Variants in LHPP observed in about 807,000 individuals in gnomAD.
The protein encoded by LHPP is hLHPP.
Under a neutral mutation model 30.3 loss-of-function variants are expected in LHPP, and 24 were observed. The ratio of observed to expected loss-of-function variants is 0.79; its 90% CI spans 0.57 to 1.11. The LOEUF (loss-of-function observed/expected upper bound fraction) is 1.11, where lower values mean the gene tolerates loss of function less well. Ranked by LOEUF, LHPP falls within the 50% of genes most tolerant of loss-of-function variation. The pLI is 0.00. For synonymous variants in LHPP, 150 were observed against 157.1 expected (o/e 0.95, Z 0.34); for missense variants, 356 against 367.2 (o/e 0.97, Z 0.25).
chr10:124,488,442 C>G lies in LHPP; in HGVS notation c.334C>G (p.Gln112Glu). The G allele has an allele frequency of 6.2e-7, 1 of 1,613,974 alleles. No homozygotes were observed. Residue 112 changes from glutamine to glutamate, a missense_variant, in exon 3 of 7, where the codon CAG becomes GAG. By Grantham distance (29) the Gln-to-Glu change is conservative. Coordinates refer to ENST00000368842, the MANE Select transcript of LHPP (RefSeq NM_022126.4). ...TCCAGGAGTCCGCTCAGAATTTGAT[C>G]AGATCGACACATCCAACCCAAACTG... ...IHDGVRSEFDQIDTSNPNCVV... is the reference protein window; with the variant it reads ...IHDGVRSEFDEIDTSNPNCVV...
chr10:124,566,264 A>C (rs765798721), intron 6 of LHPP, among the ~76,000 whole-genome samples: 19 of 152,170 alleles, frequency 1.2e-4, no homozygotes, highest in Non-Finnish European at 2.5e-4. Flanking sequence ...TCTGGTTGGC[A>C]TCATGGGACC....
chr10:124,594,998 A>G (rs4370889), intron 6 of LHPP, among the ~76,000 whole-genome samples: 7,563 of 152,242 alleles, frequency 0.05, 334 homozygotes, highest in East Asian at 0.22. Flanking sequence ...TTGTGAGTCC[A>G]TTAAACTTCT....
At chr10:124,611,360 C>CTCACCTGTTCAA (rs1564853523) in intron 6 of LHPP, among the ~76,000 whole-genome samples, 1 of 152,078 alleles carries the variant, frequency 6.6e-6, no homozygotes, top group Non-Finnish European at 1.5e-5. Context: ...GAGCTGTTTC[C>CTCACCTGTTCAA]TCACCTGTTC....
chr10:124,599,380 A>C (rs1948993979), intron 6 of LHPP, among the ~76,000 whole-genome samples: 1 of 152,184 alleles, frequency 6.6e-6, no homozygotes, highest in African/African-American at 2.4e-5. Flanking sequence ...GGCTCTTTTC[A>C]GCTGCACTTT....
intron 6 of LHPP, chr10:124,526,347 C>A: frequency 2.0e-6 from 1 of 504,514 alleles, no homozygotes. Context: ...CCCAGAGAAG[C>A]CACCCGCCTT....
At chr10:124,563,608 G>T (rs1948439601) in intron 6 of LHPP, among the ~76,000 whole-genome samples, 1 of 152,164 alleles carries the variant, frequency 6.6e-6, no homozygotes. Context: ...GTCAATTGTT[G>T]ACTTTGATAT....
intron 6 of LHPP, among the ~76,000 whole-genome samples, chr10:124,570,467 T>A (rs1948566196): frequency 6.6e-6 from 1 of 152,254 alleles, no homozygotes; most frequent in Admixed American, 6.5e-5. Flanking sequence ...AATTTTGTAA[T>A]TGAGATATTC....
At chr10:124,467,525 T>C (rs1589750217) in intron 1 of LHPP, among the ~76,000 whole-genome samples, 1 of 150,966 alleles carries the variant, frequency 6.6e-6, no homozygotes, top group Non-Finnish European at 1.5e-5. Context: ...TTTTCTTTTT[T>C]TTTTTTTTTT....
intron 6 of LHPP, among the ~76,000 whole-genome samples, chr10:124,594,364 G>A (rs1948917385): frequency 1.4e-5 from 2 of 144,136 alleles, no homozygotes; most frequent in Non-Finnish European, 3.0e-5. Flanking sequence ...CAGCATCACT[G>A]TAGCCAAGGG....
At chr10:124,477,139 G>C (rs557074794) in intron 1 of LHPP, among the ~76,000 whole-genome samples, 1 of 152,326 alleles carries the variant, frequency 6.6e-6, no homozygotes, top group East Asian at 1.9e-4. Context: ...GGAGGCAGAG[G>C]TTGTGGTAAG....
At position 124,497,317 on chromosome 10, in the gene LHPP, G is replaced by A. The variant is rs971956381; in HGVS notation, c.531+293G>A. The stretch of plus-strand genomic sequence containing the variant: ...TCCTCCAGTGGGCGCAGCCCCCCCT[G>A]CCCGCCGTGGACCCTGCCGCTCTCC... On this transcript the variant is annotated intron_variant, in intron 4 of 6. Coordinates refer to ENST00000368842, the MANE Select transcript of LHPP (RefSeq NM_022126.4). Among the ~76,000 whole-genome samples the A allele has an allele frequency of 4.1e-4, 13 of 31,866 alleles. 1 individual carries two copies. The highest frequency in any genetic ancestry group is 6.7e-4 in the Admixed American group (2 of 2,972). The allele number at this position is 31,866 out of a possible 152,430, so 20.9% of individuals were successfully genotyped here. A position where few individuals can be genotyped will look rare whatever the true frequency, so the allele number is the denominator to read the frequency against.
At chr10:124,550,746 CT>C (rs975814914) in intron 6 of LHPP, among the ~76,000 whole-genome samples, 1 of 152,218 alleles carries the variant, frequency 6.6e-6, no homozygotes, top group African/African-American at 2.4e-5. Flanking sequence ...GGAAAGGAGG[CT>C]CTGGAATGCC....
intron 6 of LHPP, among the ~76,000 whole-genome samples, chr10:124,572,342 T>A (rs1948595986): frequency 6.6e-6 from 1 of 151,906 alleles, no homozygotes; most frequent in African/African-American, 2.4e-5. Flanking sequence ...AAATACTCTG[T>A]TCAGGAGACC....
chr10:124,580,146 T>C (rs1172496327), intron 6 of LHPP, among the ~76,000 whole-genome samples: 1 of 152,272 alleles, frequency 6.6e-6, no homozygotes. Context: ...CCATTCTTTA[T>C]ACATTTCACT....
chr10:124,578,148 GC>G (rs959751165), intron 6 of LHPP, among the ~76,000 whole-genome samples: 1 of 152,142 alleles, frequency 6.6e-6, no homozygotes, highest in Non-Finnish European at 1.5e-5. Flanking sequence ...GCCTTCCTAG[GC>G]CCCACCACAT....
chr10:124,611,949 C>T (rs1015243064), intron 6 of LHPP, among the ~76,000 whole-genome samples: 2 of 152,178 alleles, frequency 1.3e-5, no homozygotes, highest in Admixed American at 6.5e-5. Flanking sequence ...ACATGTCCCT[C>T]GGTAGTGGTA....
intron 6 of LHPP, among the ~76,000 whole-genome samples, chr10:124,530,434 C>T (rs1368961211): frequency 3.9e-5 from 6 of 152,064 alleles, no homozygotes; most frequent in East Asian, 1.9e-4. Flanking sequence ...CACACGATCC[C>T]GCATCCACAT....
intron 5 of LHPP, among the ~76,000 whole-genome samples, chr10:124,504,216 G>A (rs565254747): frequency 4.6e-5 from 7 of 151,580 alleles, no homozygotes; most frequent in East Asian, 3.9e-4. Flanking sequence ...AATAATATAA[G>A]TGGTATGATC....
chr10:124,610,617 G>A (rs1348368873), intron 6 of LHPP, among the ~76,000 whole-genome samples: 1 of 44,986 alleles, frequency 2.2e-5, no homozygotes, highest in African/African-American at 1.1e-4. Context: ...GATGGAGCGG[G>A]CGAGGGTGAG....
Sources: gnomAD v4.1 joint callset for allele counts (sites outside exome capture counted in the v4.1 genomes callset) on GRCh38, gnomAD v4.1.1 for gene constraint, MANE v1.5 for transcripts, NCBI Gene and HGNC (gene_info 2026-07-23, HGNC 2026-07-21) for gene names.